The following SARS1 variants were observed in gnomAD, a reference collection of about 807,000 sequenced individuals.
SARS1 encodes serine--tRNA ligase, cytoplasmic.
A neutral mutation model predicts 63.7 loss-of-function variants in SARS1; 25 were observed. The ratio of observed to expected loss-of-function variants is 0.39; its 90% CI spans 0.29 to 0.55. The LOEUF (loss-of-function observed/expected upper bound fraction) is 0.55. Among genes scored for constraint, SARS1 ranks in the 20% least tolerant of loss-of-function variants. The pLI is 0.62. For synonymous variants in SARS1, 231 were observed against 243.5 expected (o/e 0.95, Z 0.48); for missense variants, 417 against 649.7 (o/e 0.64, Z 3.89).
chr1:109,221,622 C>T (rs1050425047), intron 1 of SARS1, among the ~76,000 whole-genome samples: 6 of 152,068 alleles, frequency 3.9e-5, no homozygotes, highest in Non-Finnish European at 8.8e-5. Flanking sequence ...ATCAAAGGTA[C>T]TTCTATATAC....
At chr1:109,217,949 T>C (rs1412760379) in intron 1 of SARS1, among the ~76,000 whole-genome samples, 1 of 152,038 alleles carries the variant, frequency 6.6e-6, no homozygotes, top group Non-Finnish European at 1.5e-5. Context: ...CCCAGCACTT[T>C]GGGAGGCCGA....
intron 1 of SARS1, chr1:109,217,181 A>T (rs548518128): frequency 4.1e-6 from 4 of 965,678 alleles, no homozygotes; most frequent in South Asian, 9.6e-5. Context: ...TTGACTTAGG[A>T]TGGGTTTATG....
rs764034634 is a variant in SARS1 at position 109,235,471 on chromosome 1, G to T, written c.969+40G>T. ...CAGGGTAAGGAGTGGAACTTTCTCT[G>T]TCTCCAGAATGGTTAGATGAGAGAT... On this transcript the variant is annotated intron_variant, in intron 7 of 10. Coordinates refer to ENST00000234677, the MANE Select transcript of SARS1 (RefSeq NM_006513.4). This position sits in a 1 kb window ranked among gnomAD's most constrained non-coding sequence, Gnocchi z 4.7. 1 of 1,515,498 alleles carries T rather than the reference G, an allele frequency of 6.6e-7. No individual in the cohort carries two copies. The highest frequency in any genetic ancestry group is 9.1e-7 in the Non-Finnish European group (1 of 1,101,950). 93.9% of individuals were successfully genotyped at this position (1,515,498 alleles called of 1,614,324 possible).
chr1:109,224,675 CA>C (rs997345284), intron 2 of SARS1, among the ~76,000 whole-genome samples: 14 of 148,094 alleles, frequency 9.5e-5, no homozygotes, highest in Non-Finnish European at 1.3e-4. Context: ...GGCCTTCATC[CA>C]AAAAAAAAAT....
Position 109,214,002 on chromosome 1 carries a change from G to C in SARS1, c.10G>C (p.Asp4His). The C allele has an allele frequency of 6.2e-7, 1 of 1,612,812 alleles. No homozygotes were observed. ...CCCGGGAGGAAAGAAGATGGTGCTG[G>C]ATCTGGATTTGTTTCGGGTGGATAA... MVL[D>H]LDLFRVDKGG... The change falls in exon 1 of 11, where the codon GAT becomes CAT. Residue 4 changes from aspartate to histidine, a missense_variant. Asp to His is a moderately conservative substitution (Grantham distance 81). This residue lies in a region of SARS1 where 359 missense variants were observed against 529.6 expected (regional missense o/e 0.68). Transcript: ENST00000234677. The surrounding 1 kb of genome is among the most constrained non-coding windows in gnomAD (Gnocchi z 4.6).
intron 1 of SARS1, among the ~76,000 whole-genome samples, chr1:109,219,207 A>G (rs1378835576): frequency 2.8e-5 from 4 of 141,662 alleles, no homozygotes; most frequent in East Asian, 4.2e-4. Context: ...CGGAGCTTGC[A>G]GTGAGCCGAG....
rs997411755 is a variant in SARS1 at position 109,213,931 on chromosome 1, C to G, written c.-62C>G. 6.5e-7 allele frequency: 1 copy of G among 1,527,500 alleles called. No individual in the cohort carries two copies. Among genetic ancestry groups the G allele is most frequent in the Non-Finnish European group, 8.8e-7 (1 of 1,134,152 alleles). 94.6% of individuals were successfully genotyped at this position (1,527,500 alleles called of 1,614,324 possible). On this transcript the variant is annotated 5_prime_UTR_variant, in exon 1 of 11. Transcript: ENST00000234677. ...CAGCGCGCCGGCGCAGTGCGGCGGT[C>G]ACAGGCTGAGTGCTGCGGCGCGATC...
At chr1:109,217,065 G>A (rs1291933122) in intron 1 of SARS1, 1 of 985,284 alleles carries the variant, frequency 1.0e-6, no homozygotes, top group Admixed American at 6.2e-5. Flanking sequence ...TTTCTAGAAT[G>A]CAAATCTGAT....
chr1:109,236,324 C>T, intron 8 of SARS1, 67 bp from the exon 9 acceptor site: 4 of 1,489,136 alleles, frequency 2.7e-6, no homozygotes, highest in Non-Finnish European at 3.7e-6. Context: ...ATTCTTCAGG[C>T]TTGCTAAAGG....
chr1:109,226,913 C>T (rs776945468), intron 2 of SARS1, among the ~76,000 whole-genome samples: 3 of 150,336 alleles, frequency 2.0e-5, no homozygotes, highest in South Asian at 2.1e-4. Flanking sequence ...ACTCACAAAG[C>T]GGATGCTAAA....
intron 1 of SARS1, chr1:109,217,285 C>CTGAATATCATAG (rs1167923201): frequency 2.2e-5 from 7 of 318,218 alleles, no homozygotes; most frequent in Non-Finnish European, 3.2e-5. Context: ...GCCAAGCCTA[C>CTGAATATCATAG]CTTAAATGTG....
chr1:109,230,542 C>T (rs530324947), intron 4 of SARS1, among the ~76,000 whole-genome samples: 31 of 152,286 alleles, frequency 2.0e-4, no homozygotes, highest in South Asian at 4.1e-4. Flanking sequence ...CGCGGTGGCT[C>T]ACGTCTATAA....
intron 6 of SARS1, among the ~76,000 whole-genome samples, chr1:109,233,862 A>AT (rs1164453054): frequency 0.021 from 1,416 of 65,940 alleles, 76 homozygotes; most frequent in African/African-American, 0.057. Context: ...CACCTGGCTA[A>AT]TTTTTTTTTT....
At chr1:109,222,637 A>G (rs1654975209) in intron 1 of SARS1, among the ~76,000 whole-genome samples, 1 of 152,212 alleles carries the variant, frequency 6.6e-6, no homozygotes, top group Non-Finnish European at 1.5e-5. Context: ...GGTATCAAAG[A>G]GGAAAGCTTC....
rs769129379 is a variant in SARS1 at position 109,235,256 on chromosome 1, A to G, written c.794A>G (p.Glu265Gly). The G allele has an allele frequency of 6.2e-7, 1 of 1,614,132 alleles. No individual in the cohort carries two copies. Among genetic ancestry groups the G allele is most frequent in the Non-Finnish European group, 8.5e-7 (1 of 1,180,028 alleles). ...AAGTCTGATGACAACTCCTATGATGAGAAGTACCTGATTGCCACCTCAGAG... is the reference window on the plus strand; with the variant it reads ...AAGTCTGATGACAACTCCTATGATGGGAAGTACCTGATTGCCACCTCAGAG... ...SEKSDDNSYDEKYLIATSEQP... is the reference protein window; with the variant it reads ...SEKSDDNSYDGKYLIATSEQP... The change falls in exon 7 of 11, where the codon GAG becomes GGG. Residue 265 changes from glutamate to glycine, a missense_variant. Transcript: ENST00000234677. This position sits in a 1 kb window ranked among gnomAD's most constrained non-coding sequence, Gnocchi z 4.7.
chr1:109,217,085 T>G (rs937195518), intron 1 of SARS1: 25 of 985,320 alleles, frequency 2.5e-5, no homozygotes, highest in Non-Finnish European at 3.0e-5. Flanking sequence ...TCATTTTACT[T>G]GAAGGCTTAA....
chr1:109,215,871 A>T, intron 1 of SARS1: 6 of 311,004 alleles, frequency 1.9e-5, no homozygotes, highest in Non-Finnish European at 2.8e-5. Flanking sequence ...CACCCAGCTA[A>T]TTTTTTTTTT....
intron 2 of SARS1, among the ~76,000 whole-genome samples, chr1:109,226,591 T>C (rs1322611884): frequency 6.9e-6 from 1 of 144,090 alleles, no homozygotes; most frequent in African/African-American, 2.6e-5. Context: ...ATACCTGGGC[T>C]CAAGCAGTCC....
At chr1:109,221,960 T>TGTGTGTGTGTGTG (rs1654937422) in intron 1 of SARS1, among the ~76,000 whole-genome samples, 1 of 10,060 alleles carries the variant, frequency 9.9e-5, no homozygotes, top group African/African-American at 1.5e-4. Flanking sequence ...GCTAATTTTT[T>TGTGTGTGTGTGTG]TGTGTGTGTG....
Sources: gnomAD v4.1 joint callset for allele counts (sites outside exome capture counted in the v4.1 genomes callset) on GRCh38, gnomAD v4.1.1 for gene constraint, gnomAD v4.1.1 regional missense constraint, Gnocchi (gnomAD v3.1) non-coding constraint, MANE v1.5 for transcripts, NCBI Gene and HGNC (gene_info 2026-07-23, HGNC 2026-07-21) for gene names.